AGPS: variants seen among roughly 807,000 people sequenced by gnomAD.
The protein encoded by AGPS is alkyldihydroxyacetonephosphate synthase, peroxisomal.
In AGPS, 26 loss-of-function variants were observed where a neutral mutation model predicts 90.7. The observed-to-expected ratio is 0.29, with a 90% CI of 0.21 to 0.40. AGPS has a LOEUF of 0.40. AGPS is among the 10% of genes least tolerant of loss of function. AGPS has a pLI of 1.00. For missense variants in AGPS, 540 were observed against 816.1 expected, an observed-to-expected ratio of 0.66 and a Z score of 4.12; for synonymous variants, 294 against 285.3, an observed-to-expected ratio of 1.03 and a Z score of -0.31.
rs1159776791 is a variant in AGPS, at chr2:177,539,580, T to C, written c.*1385T>C. On this transcript the variant is annotated 3_prime_UTR_variant, in exon 20 of 20. Coordinates refer to ENST00000264167, the MANE Select transcript of AGPS (RefSeq NM_003659.4). ...GCAGACGATCCTTTAAAAGGATGCA[T>C]TGTCTGTGTATGTAGCAACAGCTCC... 1 of 152,024 alleles carries C rather than the reference T, an allele frequency of 6.6e-6. No individual in the cohort carries two copies. The highest frequency in any genetic ancestry group is 1.5e-5 in the Non-Finnish European group (1 of 67,928). The allele number at this position is 152,024 out of a possible 1,614,324, so 9.4% of individuals were successfully genotyped here.
chr2:177,534,733 C>T (rs536032417), intron 19 of AGPS, among the ~76,000 whole-genome samples: 151 of 151,742 alleles, frequency 1.0e-3, no homozygotes, highest in Non-Finnish European at 3.4e-4. Flanking sequence ...ACTGCAGATG[C>T]GTGCCGCCAC....
chr2:177,472,841 T>C (rs996335331), intron 10 of AGPS, among the ~76,000 whole-genome samples: 1 of 152,208 alleles, frequency 6.6e-6, no homozygotes. Context: ...GGAGTCCACA[T>C]ACTTTTACGT....
intron 19 of AGPS, among the ~76,000 whole-genome samples, chr2:177,525,773 C>T (rs1176808286): frequency 6.6e-6 from 1 of 152,144 alleles, no homozygotes; most frequent in African/African-American, 2.4e-5. Context: ...CAGAGGAAAA[C>T]CAAACCAACA....
chr2:177,404,671 A>T (rs1340307485), intron 1 of AGPS, among the ~76,000 whole-genome samples: 1 of 152,112 alleles, frequency 6.6e-6, no homozygotes, highest in Non-Finnish European at 1.5e-5. Flanking sequence ...TTCATTTTTG[A>T]AGTTAAATCT....
At chr2:177,454,996 C>CT (rs57427782) in intron 8 of AGPS, among the ~76,000 whole-genome samples, 37 of 147,186 alleles carry the variant, frequency 2.5e-4, no homozygotes, top group African/African-American at 2.7e-4. Context: ...ATGCATAGAC[C>CT]TTTTTTTTTT....
chr2:177,458,167 C>G (rs187785802), intron 8 of AGPS, among the ~76,000 whole-genome samples: 70 of 152,282 alleles, frequency 4.6e-4, no homozygotes, highest in African/African-American at 1.7e-3. Flanking sequence ...TCTCAATAAA[C>G]TAGGTATCGA....
chr2:177,484,330 C>G (rs1688032911), intron 11 of AGPS, among the ~76,000 whole-genome samples: 1 of 151,782 alleles, frequency 6.6e-6, no homozygotes, highest in Non-Finnish European at 1.5e-5. Flanking sequence ...CTATTCCCCC[C>G]ACAAAAAGTG....
chr2:177,489,905 A>C (rs1261931196), intron 11 of AGPS, among the ~76,000 whole-genome samples: 3 of 152,208 alleles, frequency 2.0e-5, no homozygotes, highest in Admixed American at 6.5e-5. Context: ...AGCAGGGGTC[A>C]CTTTAACTCA....
chr2:177,523,119 A>G (rs1559083494), intron 18 of AGPS, among the ~76,000 whole-genome samples: 1 of 152,160 alleles, frequency 6.6e-6, no homozygotes, highest in Non-Finnish European at 1.5e-5. Flanking sequence ...CAAGTAATTT[A>G]TCCCAAGTCA....
At chr2:177,476,896 A>G (rs1022582525) in intron 10 of AGPS, among the ~76,000 whole-genome samples, 1 of 152,114 alleles carries the variant, frequency 6.6e-6, no homozygotes, top group African/African-American at 2.4e-5. Flanking sequence ...GCTTATCATT[A>G]TAAAATGTTC....
At chr2:177,412,494 T>G (rs1398246307) in intron 1 of AGPS, among the ~76,000 whole-genome samples, 1 of 152,180 alleles carries the variant, frequency 6.6e-6, no homozygotes, top group African/African-American at 2.4e-5. Context: ...CCAGATAGCC[T>G]CACATCTGAG....
At chr2:177,512,635 A>G (rs1331811052) in intron 16 of AGPS, among the ~76,000 whole-genome samples, 4 of 152,196 alleles carry the variant, frequency 2.6e-5, no homozygotes, top group South Asian at 2.1e-4. Context: ...TATCATTTCA[A>G]GTCTCATGAT....
At chr2:177,448,661 G>A (rs746681904) in intron 8 of AGPS, among the ~76,000 whole-genome samples, 2 of 152,044 alleles carry the variant, frequency 1.3e-5, no homozygotes, top group Non-Finnish European at 2.9e-5. Flanking sequence ...GTTTTATATT[G>A]CTTTATAATA....
chr2:177,447,322 C>A (rs1686805320), intron 8 of AGPS, among the ~76,000 whole-genome samples: 1 of 151,828 alleles, frequency 6.6e-6, no homozygotes, highest in Non-Finnish European at 1.5e-5. Flanking sequence ...TAAAATTGAA[C>A]TTATTTGTTG....
intron 17 of AGPS, among the ~76,000 whole-genome samples, chr2:177,516,163 A>G (rs1421882200): frequency 2.0e-5 from 3 of 152,180 alleles, no homozygotes; most frequent in Admixed American, 6.5e-5. Flanking sequence ...GTTATTTAAA[A>G]ATAATTATGG....
intron 12 of AGPS, among the ~76,000 whole-genome samples, chr2:177,496,224 A>G (rs1005466044): frequency 1.3e-4 from 20 of 152,180 alleles, no homozygotes; most frequent in African/African-American, 4.3e-4. Context: ...GTAGTATCAT[A>G]TGGAGTCCGC....
intron 19 of AGPS, among the ~76,000 whole-genome samples, chr2:177,527,852 C>G (rs764509087): frequency 4.6e-5 from 7 of 152,116 alleles, no homozygotes; most frequent in South Asian, 4.1e-4. Flanking sequence ...AAATAGAAAT[C>G]TTTTATGTCT....
chr2:177,394,051 T>C (rs557623618), intron 1 of AGPS, among the ~76,000 whole-genome samples: 70 of 152,242 alleles, frequency 4.6e-4, no homozygotes, highest in Non-Finnish European at 9.1e-4. Flanking sequence ...TTAGCAGATA[T>C]GCTGTGTGAC....
At chr2:177,486,077 GAC>G (rs1161684771) in intron 11 of AGPS, among the ~76,000 whole-genome samples, 2 of 152,168 alleles carry the variant, frequency 1.3e-5, no homozygotes, top group African/African-American at 4.8e-5. Flanking sequence ...CTTAATAATT[GAC>G]AGTTTTTAGA....
Sources: gnomAD v4.1 joint callset for allele counts (sites outside exome capture counted in the v4.1 genomes callset) on GRCh38, gnomAD v4.1.1 for gene constraint, MANE v1.5 for transcripts, NCBI Gene and HGNC (gene_info 2026-07-23, HGNC 2026-07-21) for gene names.